CFAP47: variants seen among roughly 807,000 people sequenced by gnomAD.
CFAP47 encodes the protein cilia and flagella associated protein 47, also known as cilia- and flagella-associated protein 47.
Under a neutral mutation model 148.1 loss-of-function variants are expected in CFAP47, and 29 were observed. The ratio of observed to expected loss-of-function variants is 0.20; its 90% CI spans 0.15 to 0.27. The LOEUF (loss-of-function observed/expected upper bound fraction) is 0.27. CFAP47 is among the 10% of genes least tolerant of loss of function. The pLI is 1.00. For synonymous variants in CFAP47, 664 were observed against 577.3 expected, an observed-to-expected ratio of 1.15 and a Z score of -2.15; for missense variants, 1,872 against 1,697.5, an observed-to-expected ratio of 1.10 and a Z score of -1.81.
At chrX:36,150,704 A>G (rs1414321194) in intron 37 of CFAP47, among the ~76,000 whole-genome samples, 1 of 111,246 alleles carries the variant, frequency 9.0e-6, no homozygotes, top group Admixed American at 9.6e-5. Context: ...TCATTAGCCT[A>G]TGTTAGCTTT....
At chrX:36,020,890 T>C (rs1437542687) in intron 22 of CFAP47, among the ~76,000 whole-genome samples, 1 of 111,214 alleles carries the variant, frequency 9.0e-6, no homozygotes. Flanking sequence ...GGTCTTTGTT[T>C]TCTTCTTTGT....
In CFAP47 at chrX:35,956,091, C is replaced by T; in HGVS notation, c.1305C>T (p.Ile435=). ...FMGERSEIQC[I]IKNQCELLPV... ...GTGAACGTTCAGAAATTCAGTGCAT[C>T]ATAAAAAATCAATGCGAATTACTTC... The change falls in exon 8 of 64, where the codon ATC becomes ATT. Residue 435 remains isoleucine, a synonymous_variant. Coordinates refer to ENST00000378653, the MANE Select transcript of CFAP47 (RefSeq NM_001304548.2). 1 of 1,210,569 alleles carries T rather than the reference C, an allele frequency of 8.3e-7. No individual in the cohort carries two copies. Among genetic ancestry groups the T allele is most frequent in the Non-Finnish European group, 1.1e-6 (1 of 894,790 alleles).
intron 2 of CFAP47, among the ~76,000 whole-genome samples, chrX:35,940,614 C>G (rs916886160): frequency 9.0e-6 from 1 of 110,844 alleles, no homozygotes; most frequent in Non-Finnish European, 1.9e-5. Flanking sequence ...TTATATATTA[C>G]CAAAATCTTA....
chrX:36,332,405 A>C (rs55805036), intron 57 of CFAP47, among the ~76,000 whole-genome samples: 13,127 of 111,188 alleles, frequency 0.12, 624 homozygotes, highest in East Asian at 0.26. Context: ...TAAGTACACA[A>C]ATGAAACTCT....
intron 24 of CFAP47, 25 bp downstream of exon 24, chrX:36,035,879 T>A (rs2146722782): frequency 3.4e-6 from 1 of 292,301 alleles, no homozygotes; most frequent in African/African-American, 2.8e-5. Context: ...CCTATATTTG[T>A]AGTTATACTT....
chrX:36,228,586 T>G, intron 45 of CFAP47, 42 bp from the exon 46 acceptor site: 1 of 510,485 alleles, frequency 2.0e-6, no homozygotes, highest in Middle Eastern at 4.2e-4. Flanking sequence ...ATTTTAGGTT[T>G]TATATGATTT....
chrX:36,251,390 A>G lies in CFAP47; in HGVS notation c.7390A>G (p.Lys2464Glu), dbSNP rs1227822813. ...GNPQITVYPY[K>E]EILYLIHVRP... is the part of the protein sequence containing the mutation. ...TCCACAAATTACAGTATACCCTTAT[A>G]AAGAAATTCTGTACCTGATTCATGT... Residue 2464 changes from lysine to glutamate, a missense_variant, in exon 49 of 64, where the codon AAA becomes GAA. Lys to Glu is a moderately conservative substitution (Grantham distance 56). Transcript: ENST00000378653. The G allele has an allele frequency of 2.0e-6, 1 of 509,556 alleles. No homozygotes were observed. Among genetic ancestry groups the G allele is most frequent in the Non-Finnish European group, 3.5e-6 (1 of 283,824 alleles). The allele number at this position is 509,556 out of a possible 1,213,427, so 42.0% of individuals were successfully genotyped here.
chrX:36,309,813 T>A (rs908313126), intron 55 of CFAP47, among the ~76,000 whole-genome samples: 1 of 111,424 alleles, frequency 9.0e-6, no homozygotes, highest in Non-Finnish European at 1.9e-5. Context: ...CTTTAAACAG[T>A]CAATTTTGTG....
intron 23 of CFAP47, 138 bp from the exon 24 acceptor site, chrX:36,035,557 T>A (rs1454797099): frequency 3.7e-6 from 1 of 273,195 alleles, no homozygotes; most frequent in African/African-American, 2.8e-5. Context: ...TTGTCTAATA[T>A]CATTTTAAAG....
chrX:36,309,376 A>C (rs782417362), intron 55 of CFAP47, among the ~76,000 whole-genome samples: 21 of 111,503 alleles, frequency 1.9e-4, no homozygotes, highest in Non-Finnish European at 3.8e-4. Flanking sequence ...TAGATTTGCT[A>C]TCCTTTATAT....
Position 36,085,346 on chromosome X carries a change from C to A in CFAP47, c.4724C>A (p.Thr1575Asn), listed in dbSNP as rs765847350. Residue 1575 changes from threonine to asparagine, a missense_variant, in exon 30 of 64, where the codon ACC becomes AAC. By Grantham distance (65) the Thr-to-Asn change is moderately conservative (BLOSUM62 0). Coordinates refer to ENST00000378653, the MANE Select transcript of CFAP47 (RefSeq NM_001304548.2). Reference sequence around the variant, plus strand: ...TATAAAATGCAATTCTACTCATCAACCTCGCCACCCCAAAAGTTTTCCAGA... The same window carrying A: ...TATAAAATGCAATTCTACTCATCAAACTCGCCACCCCAAAAGTTTTCCAGA... ...DVYKMQFYSS[T>N]SPPQKFSRQN... 30 of 1,201,036 alleles carry A rather than the reference C, an allele frequency of 2.5e-5. No individual in the cohort carries two copies. In the South Asian group the frequency reaches 4.4e-4, roughly 18 times the overall value.
chrX:35,946,618 G>T (rs1936088595), intron 3 of CFAP47, among the ~76,000 whole-genome samples: 1 of 111,969 alleles, frequency 8.9e-6, no homozygotes, highest in Admixed American at 9.5e-5. Flanking sequence ...TTGTTACTTT[G>T]CATTTTCAAA....
At chrX:36,183,040 T>C (rs907895031) in intron 40 of CFAP47, among the ~76,000 whole-genome samples, 2 of 112,725 alleles carry the variant, frequency 1.8e-5, no homozygotes, top group African/African-American at 3.2e-5. Flanking sequence ...TCAGGCATGC[T>C]GGCTCACGCC....
chrX:36,373,634 C>A (rs1377060474), intron 62 of CFAP47, among the ~76,000 whole-genome samples: 2 of 111,343 alleles, frequency 1.8e-5, no homozygotes, highest in African/African-American at 6.5e-5. Context: ...AAAGAGGGGG[C>A]ATTTTCTCCT....
intron 39 of CFAP47, among the ~76,000 whole-genome samples, chrX:36,175,655 A>G (rs1443918689): frequency 8.9e-6 from 1 of 111,914 alleles, no homozygotes; most frequent in Non-Finnish European, 1.9e-5. Flanking sequence ...CAGTCTGCCC[A>G]TTCTCAGATC....
chrX:36,023,097 G>C (rs920084538), intron 22 of CFAP47, among the ~76,000 whole-genome samples: 7 of 111,794 alleles, frequency 6.3e-5, no homozygotes, highest in Non-Finnish European at 9.4e-5. Flanking sequence ...TTGTTTGTAC[G>C]TGTCCTTCTT....
intron 18 of CFAP47, among the ~76,000 whole-genome samples, chrX:35,994,261 CAA>C (rs1353873045): frequency 1.1e-5 from 1 of 92,876 alleles, no homozygotes; most frequent in Non-Finnish European, 2.2e-5. Context: ...GACTCCGTCT[CAA>C]AAAAAAAAAG....
chrX:35,955,504 T>C (rs989569748), intron 7 of CFAP47, among the ~76,000 whole-genome samples: 1 of 111,977 alleles, frequency 8.9e-6, no homozygotes, highest in Non-Finnish European at 1.9e-5. Context: ...CTGTTCTCTC[T>C]GCCTGGAATA....
chrX:36,231,186 T>C (rs1268127355), intron 46 of CFAP47, among the ~76,000 whole-genome samples: 1 of 111,152 alleles, frequency 9.0e-6, no homozygotes, highest in Non-Finnish European at 1.9e-5. Context: ...GCATTGAATC[T>C]ATAAATTACT....
Sources: allele counts gnomAD v4.1 joint callset (sites outside exome capture counted in the v4.1 genomes callset), GRCh38; gene constraint gnomAD v4.1.1; transcripts MANE v1.5; gene names NCBI Gene and HGNC (gene_info 2026-07-23, HGNC 2026-07-21).